The following EXOC4 variants were observed in gnomAD, a reference collection of about 807,000 sequenced individuals.
EXOC4 encodes the protein exocyst complex component 4, also known as SEC8-like 1.
EXOC4 carries 71 observed loss-of-function variants against 107.2 expected under a neutral mutation model. The ratio of observed to expected loss-of-function variants is 0.66; its 90% CI spans 0.55 to 0.81. EXOC4 has a LOEUF of 0.81. Ranked by LOEUF, EXOC4 falls within the 30% of genes least tolerant of loss-of-function variation. EXOC4 has a pLI of 0.00. For missense variants in EXOC4, 1,108 were observed against 1,189.6 expected (o/e 0.93, Z 1.01); for synonymous variants, 456 against 441.2 (o/e 1.03, Z -0.42).
intron 9 of EXOC4, among the ~76,000 whole-genome samples, chr7:133,569,307 T>A (rs1174723904): frequency 6.6e-6 from 1 of 152,146 alleles, no homozygotes; most frequent in East Asian, 1.9e-4. Flanking sequence ...CAAGTAAGAA[T>A]TTTCAGTCCT....
At chr7:134,029,648 T>C (rs1233757840) in intron 17 of EXOC4, among the ~76,000 whole-genome samples, 1 of 152,140 alleles carries the variant, frequency 6.6e-6, no homozygotes, top group Non-Finnish European at 1.5e-5. Flanking sequence ...GCCTCCTGAG[T>C]ACCTGGGACC....
intron 14 of EXOC4, among the ~76,000 whole-genome samples, chr7:133,982,576 A>C (rs1400573678): frequency 2.0e-5 from 3 of 152,098 alleles, no homozygotes; most frequent in Non-Finnish European, 4.4e-5. Flanking sequence ...ACAAAAAAAG[A>C]TACTGGGTTT....
At chr7:133,607,488 C>T (rs565936775) in intron 9 of EXOC4, among the ~76,000 whole-genome samples, 2 of 152,298 alleles carry the variant, frequency 1.3e-5, no homozygotes, top group African/African-American at 2.4e-5. Context: ...ATCAAAAGGA[C>T]ATTGTACCTA....
At chr7:134,083,595 G>T in the EXOC4 span, among the ~76,000 whole-genome samples, 1 of 152,110 alleles carries the variant, frequency 6.6e-6, no homozygotes, top group African/African-American at 2.4e-5. Flanking sequence ...CTGACACCTT[G>T]GTGGGAACAG....
rs1794745767 is a variant in EXOC4, at chr7:133,306,007, A to G, written c.602A>G (p.Tyr201Cys). ...VLIDELHRHL[Y>C]IKSTSRVVQR... ...ATAGATGAACTACACCGGCACCTGTACATCAAATCGACTAGCCGAGTTGTG... is the reference window on the plus strand; with the variant it reads ...ATAGATGAACTACACCGGCACCTGTGCATCAAATCGACTAGCCGAGTTGTG... The change falls in exon 4 of 18, where the codon TAC (tyrosine) becomes TGC (cysteine). Residue 201 changes from tyrosine (Y) to cysteine (C), a missense_variant. By Grantham distance (194) the Tyr-to-Cys change is radical (BLOSUM62 -2). Coordinates refer to ENST00000253861, the MANE Select transcript of EXOC4 (RefSeq NM_021807.4). The G allele has an allele frequency of 6.2e-7, 1 of 1,613,730 alleles. No individual in the cohort carries two copies. The highest frequency in any genetic ancestry group is 1.7e-5 in the Admixed American group (1 of 59,950).
At chr7:134,052,478 A>ATT (rs142514193) in intron 17 of EXOC4, among the ~76,000 whole-genome samples, 2 of 147,598 alleles carry the variant, frequency 1.4e-5, no homozygotes, top group African/African-American at 2.5e-5. Context: ...GGAAGGACTG[A>ATT]TTTTTTTTTT....
intron 17 of EXOC4, among the ~76,000 whole-genome samples, chr7:134,008,620 C>G (rs1794697711): frequency 6.6e-6 from 1 of 151,878 alleles, no homozygotes. Context: ...CATCACTATC[C>G]TTTCTCTTCT....
chr7:133,718,880 A>G (rs1210874309), intron 10 of EXOC4, among the ~76,000 whole-genome samples: 3 of 152,120 alleles, frequency 2.0e-5, no homozygotes, highest in Non-Finnish European at 4.4e-5. Flanking sequence ...TGTTAGGGAA[A>G]GGGCTCATTC....
At position 133,870,409 on chromosome 7, in the gene EXOC4, C is replaced by T. The variant is rs116912914; in HGVS notation, c.1735-25190C>T. ...CTTGAGTGAGACAGATGGTTGCCCT[C>T]CAAAGATTTCTAGTTGCCTTTGATA... is the stretch of plus-strand genomic sequence containing the variant. On this transcript the variant is annotated intron_variant, in intron 11 of 17. Coordinates refer to ENST00000253861, the MANE Select transcript of EXOC4 (RefSeq NM_021807.4). Among the ~76,000 whole-genome samples, 337 of 152,312 alleles carry T rather than the reference C, an allele frequency of 2.2e-3. 9 individuals carry two copies. The highest frequency in any genetic ancestry group is 0.019 in the East Asian group (100 of 5,182).
intron 10 of EXOC4, among the ~76,000 whole-genome samples, chr7:133,789,773 A>G (rs1195766742): frequency 6.6e-6 from 1 of 152,162 alleles, no homozygotes; most frequent in African/African-American, 2.4e-5. Flanking sequence ...TCTCTGTTCA[A>G]TTTCAGTTTC....
At chr7:133,253,333 C>T in intron 1 of EXOC4, 146 bp downstream of exon 1, 1 of 1,410,736 alleles carries the variant, frequency 7.1e-7, no homozygotes, top group Non-Finnish European at 9.3e-7. Flanking sequence ...CTAACCCCTC[C>T]CCAGGGCCCC....
At chr7:133,343,204 C>T (rs1244695086) in intron 5 of EXOC4, among the ~76,000 whole-genome samples, 3 of 151,816 alleles carry the variant, frequency 2.0e-5, no homozygotes, top group South Asian at 2.1e-4. Flanking sequence ...TTTTTTTGGC[C>T]CCCAGCATGA....
At chr7:133,823,878 A>ATATATATATAT (rs1797617212) in intron 11 of EXOC4, among the ~76,000 whole-genome samples, 8 of 19,626 alleles carry the variant, frequency 4.1e-4, no homozygotes, top group Admixed American at 5.2e-4. Context: ...TATATTATAT[A>ATATATATATAT]TATATATATA....
intron 6 of EXOC4, among the ~76,000 whole-genome samples, chr7:133,357,910 AG>A (rs1796057590): frequency 6.6e-6 from 1 of 152,180 alleles, no homozygotes; most frequent in African/African-American, 2.4e-5. Flanking sequence ...ATATTTGGCC[AG>A]GCACAGTGGC....
rs1230181819 is a variant in EXOC4, at chr7:133,741,413, C to T, written c.1515-75912C>T. Among the ~76,000 whole-genome samples the T allele has an allele frequency of 3.9e-5, 6 of 152,076 alleles. No homozygotes were observed. The East Asian group carries it at 9.6e-4, about 24-fold the overall frequency. ...TAAATGTAACCTAAAAAATATGAAA[C>T]CTCCCATTTTCTTTCTTTAGTTAAC... On this transcript the variant is annotated intron_variant, in intron 10 of 17. Coordinates refer to ENST00000253861, the MANE Select transcript of EXOC4 (RefSeq NM_021807.4).
intron 9 of EXOC4, among the ~76,000 whole-genome samples, chr7:133,615,094 T>C (rs1802163612): frequency 6.6e-6 from 1 of 152,100 alleles, no homozygotes; most frequent in South Asian, 2.1e-4. Context: ...AAGCAAACAG[T>C]TGTAAAAGGA....
At chr7:133,330,898 G>A (rs991968965) in intron 5 of EXOC4, among the ~76,000 whole-genome samples, 1 of 151,028 alleles carries the variant, frequency 6.6e-6, no homozygotes, top group East Asian at 1.9e-4. Context: ...TTCCTATTCG[G>A]CCATCTTGCC....
Position 133,429,327 on chromosome 7 carries a change from A to G in EXOC4, c.1183-46001A>G, listed in dbSNP as rs188257131. ...ATTTTAAACATTTCACTAGCAAATC[A>G]TCTGCTTTCTGTTTCACTATGCCGT... On this transcript the variant is annotated intron_variant, in intron 7 of 17. Coordinates refer to ENST00000253861, the MANE Select transcript of EXOC4 (RefSeq NM_021807.4). Among the ~76,000 whole-genome samples, 36 of 152,126 alleles carry G rather than the reference A, an allele frequency of 2.4e-4. No homozygotes were observed. In the East Asian group the frequency reaches 5.4e-3, roughly 23 times the overall value.
At chr7:133,920,291 A>G (rs1039303358) in intron 13 of EXOC4, among the ~76,000 whole-genome samples, 1 of 152,156 alleles carries the variant, frequency 6.6e-6, no homozygotes, top group Admixed American at 6.5e-5. Flanking sequence ...CCTTCATCTG[A>G]TAAGTATTTT....
Sources: gnomAD v4.1 joint callset for allele counts (sites outside exome capture counted in the v4.1 genomes callset) on GRCh38, gnomAD v4.1.1 for gene constraint, MANE v1.5 for transcripts, NCBI Gene and HGNC (gene_info 2026-07-23, HGNC 2026-07-21) for gene names.